The following MITF variants were observed in gnomAD, a reference collection of about 807,000 sequenced individuals.
The protein encoded by MITF is melanocyte inducing transcription factor.
In MITF, 17 loss-of-function variants were observed where a neutral mutation model predicts 60.5. That is an observed-to-expected ratio of 0.28 (90% CI 0.19 to 0.42). The LOEUF is 0.42. MITF is among the 10% of genes least tolerant of loss of function. The pLI, the probability that MITF is intolerant of heterozygous loss-of-function variation, is 1.00. For synonymous variants in MITF, 260 were observed against 248.5 expected (o/e 1.05, Z -0.43); for missense variants, 622 against 683.5 (o/e 0.91, Z 1.00).
At chr3:69,933,689 G>A (rs1454339724) in intron 2 of MITF, among the ~76,000 whole-genome samples, 2 of 152,022 alleles carry the variant, frequency 1.3e-5, no homozygotes, top group African/African-American at 4.8e-5. Context: ...TTATTTTGCT[G>A]TCTATACTTC....
chr3:69,881,029 G>A (rs11924822), intron 2 of MITF, among the ~76,000 whole-genome samples: 3,753 of 152,114 alleles, frequency 0.025, 146 homozygotes, highest in African/African-American at 0.083. Context: ...TATCTTAAAA[G>A]TGAGCATAAT....
chr3:69,803,858 G>A (rs1157667679), intron 1 of MITF, among the ~76,000 whole-genome samples: 2 of 149,730 alleles, frequency 1.3e-5, no homozygotes, highest in African/African-American at 2.5e-5. Context: ...AAATTTTCCT[G>A]TAGTGAGGAA....
intron 1 of MITF, among the ~76,000 whole-genome samples, chr3:69,764,195 G>A (rs762850804): frequency 2.0e-5 from 3 of 152,190 alleles, no homozygotes; most frequent in African/African-American, 4.8e-5. Flanking sequence ...ATTTTTGGCA[G>A]TGTTGGTATT....
chr3:69,948,395 C>A (rs1402882071), intron 5 of MITF, among the ~76,000 whole-genome samples: 1 of 151,458 alleles, frequency 6.6e-6, no homozygotes, highest in Admixed American at 6.6e-5. Context: ...CTAAATATTT[C>A]TTTTACTTTT....
intron 1 of MITF, among the ~76,000 whole-genome samples, chr3:69,851,071 T>G (rs2063816038): frequency 6.6e-6 from 1 of 152,140 alleles, no homozygotes. Flanking sequence ...AAAAGTTATT[T>G]ATAATAGTCT....
intron 3 of MITF, chr3:69,938,452 G>C: frequency 6.7e-7 from 1 of 1,494,380 alleles, no homozygotes. Flanking sequence ...AGTTCCGCTT[G>C]TTGTGAATGT....
intron 1 of MITF, among the ~76,000 whole-genome samples, chr3:69,829,399 C>T (rs917962303): frequency 6.6e-6 from 1 of 152,110 alleles, no homozygotes; most frequent in African/African-American, 2.4e-5. Flanking sequence ...TTCATGTCCC[C>T]TAACCTTTAA....
At chr3:69,837,358 G>T (rs1310003036) in intron 1 of MITF, among the ~76,000 whole-genome samples, 1 of 152,112 alleles carries the variant, frequency 6.6e-6, no homozygotes, top group Non-Finnish European at 1.5e-5. Flanking sequence ...TTTTAAGGCA[G>T]GTATTACTTT....
At chr3:69,936,793 A>T (rs1475015001) in intron 2 of MITF, 1 of 1,580,988 alleles carries the variant, frequency 6.3e-7, no homozygotes, top group East Asian at 2.2e-5. Flanking sequence ...TCTTTGAAAT[A>T]TAATGCAATA....
At chr3:69,769,147 G>T (rs543006143) in intron 1 of MITF, among the ~76,000 whole-genome samples, 1 of 152,236 alleles carries the variant, frequency 6.6e-6, no homozygotes, top group South Asian at 2.1e-4. Flanking sequence ...TTGTACTACT[G>T]TATGACATTG....
chr3:69,952,266 A>C (rs1013527569), intron 7 of MITF, among the ~76,000 whole-genome samples: 4 of 152,146 alleles, frequency 2.6e-5, no homozygotes, highest in Non-Finnish European at 4.4e-5. Context: ...CTCCAATGAG[A>C]TTTGAAAGAA....
intron 6 of MITF, among the ~76,000 whole-genome samples, chr3:69,950,347 A>G (rs922166876): frequency 5.9e-5 from 9 of 151,406 alleles, no homozygotes; most frequent in Admixed American, 1.3e-4. Flanking sequence ...CTTAAGAATC[A>G]TTGAAGTGGA....
At chr3:69,803,901 C>T (rs1487380365) in intron 1 of MITF, among the ~76,000 whole-genome samples, 3 of 151,806 alleles carry the variant, frequency 2.0e-5, no homozygotes, top group African/African-American at 7.3e-5. Context: ...TTGGGAAGTC[C>T]CTTTTTTAGA....
chr3:69,778,569 T>A (rs1264870440), intron 1 of MITF, among the ~76,000 whole-genome samples: 2 of 152,156 alleles, frequency 1.3e-5, no homozygotes, highest in African/African-American at 4.8e-5. Flanking sequence ...ACCTCATGGT[T>A]GCAAGATGGC....
intron 1 of MITF, among the ~76,000 whole-genome samples, chr3:69,803,175 A>G (rs1025186820): frequency 1.2e-4 from 18 of 152,222 alleles, no homozygotes; most frequent in Admixed American, 1.1e-3. Context: ...AATGAAAAAT[A>G]TGCTTCAGTA....
intron 5 of MITF, among the ~76,000 whole-genome samples, chr3:69,944,251 G>A (rs1035113527): frequency 6.6e-6 from 1 of 152,102 alleles, no homozygotes; most frequent in East Asian, 1.9e-4. Flanking sequence ...TAGGTGGCCA[G>A]CACCAGGCAA....
intron 1 of MITF, among the ~76,000 whole-genome samples, chr3:69,742,480 A>G (rs1200026186): frequency 6.6e-6 from 1 of 152,126 alleles, no homozygotes; most frequent in African/African-American, 2.4e-5. Flanking sequence ...GGTTCTTAAG[A>G]TGTCAGCTCT....
chr3:69,849,656 C>T (rs2063792566), intron 1 of MITF, among the ~76,000 whole-genome samples: 1 of 152,228 alleles, frequency 6.6e-6, no homozygotes, highest in South Asian at 2.1e-4. Context: ...GGCTAGTACT[C>T]TCTGACCCCA....
At chr3:69,889,486 G>T (rs1382449534) in intron 2 of MITF, among the ~76,000 whole-genome samples, 1 of 133,026 alleles carries the variant, frequency 7.5e-6, no homozygotes. Context: ...ACTAAAAATA[G>T]TAAAAAAAAA....
Sources: allele counts gnomAD v4.1 joint callset (sites outside exome capture counted in the v4.1 genomes callset), GRCh38; gene constraint gnomAD v4.1.1; transcripts MANE v1.5; gene names NCBI Gene and HGNC (gene_info 2026-07-23, HGNC 2026-07-21).